SIK2: variants seen among roughly 807,000 people sequenced by gnomAD.
SIK2 encodes salt inducible kinase 2, also known as serine/threonine-protein kinase SIK2.
In SIK2, 29 loss-of-function variants were observed where a neutral mutation model predicts 103.2. The observed-to-expected ratio is 0.28, with a 90% confidence interval of 0.21 to 0.38. The LOEUF (loss-of-function observed/expected upper bound fraction) is 0.38, where lower values mean the gene tolerates loss of function less well. Among genes scored for constraint, SIK2 ranks in the 10% least tolerant of loss-of-function variants. The probability of loss-of-function intolerance (pLI) is 1.00; values close to 1 mark genes in which losing one functional copy is unlikely to be tolerated. For missense variants in SIK2, 879 were observed against 1,171.0 expected (o/e 0.75, Z 3.64); for synonymous variants, 412 against 446.1 (o/e 0.92, Z 0.96).
chr11:111,701,666 T>A lies in SIK2; in HGVS notation c.727+91T>A. On this transcript the variant is annotated intron_variant, in intron 6 of 14. Transcript: ENST00000304987. This position sits in a 1 kb window ranked among gnomAD's most constrained non-coding sequence, Gnocchi z 4.2. ...TAAAAGCTTCTTTTTTTCTAAGAGT[T>A]TGGGTGCCAAATAAAGTGACTGAGC... 4 of 1,488,526 alleles carry A rather than the reference T, an allele frequency of 2.7e-6. No individual in the cohort carries two copies. Among genetic ancestry groups the A allele is most frequent in the Non-Finnish European group, 3.6e-6 (4 of 1,105,468 alleles). 92.2% of individuals were successfully genotyped at this position (1,488,526 alleles called of 1,614,324 possible).
chr11:111,620,036 G>A (rs1191404449), intron 2 of SIK2, among the ~76,000 whole-genome samples: 1 of 152,170 alleles, frequency 6.6e-6, no homozygotes, highest in Non-Finnish European at 1.5e-5. Context: ...TGGCAGTTTT[G>A]TTAAAATGTA....
chr11:111,696,174 G>C (rs911950208), intron 4 of SIK2, among the ~76,000 whole-genome samples: 3 of 152,298 alleles, frequency 2.0e-5, no homozygotes, highest in Middle Eastern at 3.4e-3. Context: ...CCAGGTGAGA[G>C]AATATGAATA....
rs1186131404 is a variant in SIK2 at position 111,720,829 on chromosome 11, G to T, written c.1780+67G>T. The stretch of plus-strand genomic sequence containing the variant: ...GAGAGCAGTTTCTTGCCATGTTGGT[G>T]TGGTCACCTGTGGTCACTGAAAGGC... On this transcript the variant is annotated intron_variant, in intron 11 of 14. Coordinates refer to ENST00000304987, the MANE Select transcript of SIK2 (RefSeq NM_015191.3). 4 of 1,573,228 alleles carry T rather than the reference G, an allele frequency of 2.5e-6. No individual in the cohort carries two copies. The African/African-American group carries it at 5.4e-5, about 21-fold the overall frequency.
intron 3 of SIK2, among the ~76,000 whole-genome samples, chr11:111,663,805 G>A (rs761541236): frequency 1.3e-5 from 2 of 152,188 alleles, no homozygotes; most frequent in Non-Finnish European, 2.9e-5. Flanking sequence ...CCATGCTCCA[G>A]ATTTTAAGTG....
intron 3 of SIK2, among the ~76,000 whole-genome samples, chr11:111,625,023 C>G (rs1480740860): frequency 6.6e-6 from 1 of 151,826 alleles, no homozygotes; most frequent in Admixed American, 6.6e-5. Context: ...CAGTATGGCT[C>G]AAGAGGAGCA....
rs780343251 is a variant in SIK2, at chr11:111,724,062, G to C, written c.2714G>C (p.Gly905Ala). Residue 905 changes from glycine (G) to alanine (A), a missense_variant, in exon 15 of 15, where the codon GGA becomes GCA. By Grantham distance (60) the Gly-to-Ala change is moderately conservative. Around this residue, in one of 7 missense-constraint regions of SIK2, gnomAD observed 375 missense variants for 416.3 expected, o/e 0.90. Transcript: ENST00000304987. ...CCACTAGCCCTCTCTGAGCTACCTG[G>C]ACTCTTTGATTGTGAAATGCTAGAC... The part of the protein sequence containing the change: ...YDPLALSELP[G>A]LFDCEMLDAV... The C allele has an allele frequency of 3.1e-6, 5 of 1,613,992 alleles. No individual in the cohort carries two copies. Among genetic ancestry groups the C allele is most frequent in the Admixed American group, 3.3e-5 (2 of 60,024 alleles).
In SIK2 at chr11:111,723,285, G is replaced by A. The variant is rs1052415253; in HGVS notation, c.2148-211G>A. ...TCAGAGAAAATGCATTCCTGCTCAC[G>A]TTAGTACTGAAGGATCATCAGAACT... On this transcript the variant is annotated intron_variant, in intron 14 of 14. Coordinates refer to ENST00000304987, the MANE Select transcript of SIK2 (RefSeq NM_015191.3). 5.3e-5 allele frequency among the ~76,000 whole-genome samples: 8 copies of A among 152,288 alleles called. No individual in the cohort carries two copies. In the South Asian group the frequency reaches 8.3e-4, roughly 16 times the overall value.
intron 4 of SIK2, among the ~76,000 whole-genome samples, chr11:111,694,176 T>C (rs552928264): frequency 8.5e-5 from 13 of 152,308 alleles, no homozygotes; most frequent in Admixed American, 4.6e-4. Context: ...TATAATTGAT[T>C]CCCTGTGAAA....
intron 4 of SIK2, among the ~76,000 whole-genome samples, chr11:111,697,459 A>G (rs888816931): frequency 3.3e-5 from 5 of 152,178 alleles, no homozygotes; most frequent in Non-Finnish European, 7.3e-5. Flanking sequence ...AATAATAGCA[A>G]TGATAGCTTC....
intron 3 of SIK2, among the ~76,000 whole-genome samples, chr11:111,660,839 C>CTTTTTTTTT (rs57174726): frequency 1.1e-5 from 1 of 90,398 alleles, no homozygotes; most frequent in Non-Finnish European, 2.0e-5. Context: ...GTGAAGTTGG[C>CTTTTTTTTT]TTTTTTTTTT....
intron 8 of SIK2, among the ~76,000 whole-genome samples, chr11:111,710,416 G>C (rs1471328006): frequency 2.6e-5 from 4 of 152,154 alleles, no homozygotes; most frequent in African/African-American, 9.7e-5. Flanking sequence ...AGTATAGCCA[G>C]TGATATTAAT....
At chr11:111,686,211 C>T (rs575680397) in intron 3 of SIK2, among the ~76,000 whole-genome samples, 4 of 152,276 alleles carry the variant, frequency 2.6e-5, no homozygotes, top group East Asian at 3.9e-4. Flanking sequence ...GAGGCCAAGG[C>T]GGGCAGATCA....
Position 111,721,365 on chromosome 11 carries a change from CCA to C in SIK2, c.1944+313_1944+314del, listed in dbSNP as rs139534824. Reference sequence around the variant, plus strand: ...TCGCCCTTGAACTCCCCTTCTCCTGCCACACACACACCCAAATGAAAAATACA... The same window carrying C: ...TCGCCCTTGAACTCCCCTTCTCCTGCCACACACACCCAAATGAAAAATACA... On this transcript the variant is annotated intron_variant, in intron 12 of 14. Coordinates refer to ENST00000304987, the MANE Select transcript of SIK2 (RefSeq NM_015191.3). 7.4e-3 allele frequency among the ~76,000 whole-genome samples: 1,120 copies of C among 152,190 alleles called. 8 individuals are homozygous for C. The highest frequency in any genetic ancestry group is 0.054 in the Middle Eastern group (16 of 294).
chr11:111,674,892 G>A (rs376655129), intron 3 of SIK2, among the ~76,000 whole-genome samples: 4 of 152,066 alleles, frequency 2.6e-5, no homozygotes, highest in East Asian at 1.9e-4. Context: ...GATCACAGGC[G>A]CATGCCACTT....
chr11:111,720,846 C>T, intron 11 of SIK2, 53 bp from the exon 12 acceptor site: 1 of 1,594,818 alleles, frequency 6.3e-7, no homozygotes, highest in East Asian at 2.2e-5. Flanking sequence ...CCTGTGGTCA[C>T]TGAAAGGCCT....
Position 111,728,038 on chromosome 11 carries a change from ACAATAT to A in SIK2, c.*3910_*3915del. The A allele has an allele frequency of 6.6e-6, 1 of 152,160 alleles. No individual in the cohort carries two copies. The highest frequency in any genetic ancestry group is 2.4e-5 in the African/African-American group (1 of 41,414). The allele number at this position is 152,160 out of a possible 1,614,324, so 9.4% of individuals were successfully genotyped here. A position where few individuals can be genotyped will look rare whatever the true frequency, so the allele number is the denominator to read the frequency against. On this transcript the variant is annotated 3_prime_UTR_variant, in exon 15 of 15. Transcript: ENST00000304987. ...TTTTCCCATTCGACCTCCTATAGAGACAATATGCAGTGTGTCATTTCACAGTCTCAG... is the reference window on the plus strand; with the variant it reads ...TTTTCCCATTCGACCTCCTATAGAGAGCAGTGTGTCATTTCACAGTCTCAG...
At chr11:111,671,176 C>G in intron 3 of SIK2, 1 of 250,580 alleles carries the variant, frequency 4.0e-6, no homozygotes, top group South Asian at 5.0e-5. Context: ...CCTATGGATA[C>G]TCATATTCTG....
At chr11:111,647,632 G>A (rs1048316381) in intron 3 of SIK2, among the ~76,000 whole-genome samples, 16 of 149,566 alleles carry the variant, frequency 1.1e-4, no homozygotes, top group Non-Finnish European at 1.9e-4. Flanking sequence ...TTGGGAGGCT[G>A]AGGCAGGTAG....
At chr11:111,625,550 G>T (rs1025113640) in intron 3 of SIK2, among the ~76,000 whole-genome samples, 1 of 152,164 alleles carries the variant, frequency 6.6e-6, no homozygotes, top group Non-Finnish European at 1.5e-5. Flanking sequence ...CCAAGAGAAT[G>T]TGGTATCCTA....
Sources: allele counts gnomAD v4.1 joint callset (sites outside exome capture counted in the v4.1 genomes callset), GRCh38; gene constraint gnomAD v4.1.1; regional missense constraint gnomAD v4.1.1; non-coding constraint Gnocchi (gnomAD v3.1); transcripts MANE v1.5; gene names NCBI Gene and HGNC (gene_info 2026-07-23, HGNC 2026-07-21).